DLGAP4: variants seen among roughly 807,000 people sequenced by gnomAD.
The protein encoded by DLGAP4 is disks large-associated protein 4.
Under a neutral mutation model 86.9 loss-of-function variants are expected in DLGAP4, and 18 were observed. That is an observed-to-expected ratio of 0.21 (90% CI 0.14 to 0.31). DLGAP4 has a LOEUF of 0.31. Among genes scored for constraint, DLGAP4 ranks in the 10% least tolerant of loss-of-function variants. DLGAP4 has a pLI of 1.00. For synonymous variants in DLGAP4, 548 were observed against 574.3 expected (o/e 0.95, Z 0.65); for missense variants, 1,085 against 1,362.6 (o/e 0.80, Z 3.21).
At chr20:36,472,121 G>C (rs1395195913) in intron 7 of DLGAP4, among the ~76,000 whole-genome samples, 1 of 152,136 alleles carries the variant, frequency 6.6e-6, no homozygotes, top group Non-Finnish European at 1.5e-5. Context: ...CATCTTTGCA[G>C]CTCCTTTTTT....
At chr20:36,452,337 C>T (rs1393530319) in intron 7 of DLGAP4, among the ~76,000 whole-genome samples, 1 of 152,000 alleles carries the variant, frequency 6.6e-6, no homozygotes, top group Non-Finnish European at 1.5e-5. Context: ...CAGTACCATG[C>T]CTGGCTAATT....
chr20:36,478,240 C>T (rs1235722498), intron 7 of DLGAP4, among the ~76,000 whole-genome samples: 1 of 152,138 alleles, frequency 6.6e-6, no homozygotes, highest in Non-Finnish European at 1.5e-5. Flanking sequence ...TCCCATTGAC[C>T]CCTGGATACA....
At chr20:36,318,636 A>G (rs944859017) in intron 1 of DLGAP4, among the ~76,000 whole-genome samples, 1 of 152,040 alleles carries the variant, frequency 6.6e-6, no homozygotes, top group East Asian at 1.9e-4. Flanking sequence ...AACCTCTCAA[A>G]GTGCTGGGAT....
At chr20:36,327,665 C>T (rs1555891121) in intron 1 of DLGAP4, among the ~76,000 whole-genome samples, 1 of 144,822 alleles carries the variant, frequency 6.9e-6, no homozygotes, top group African/African-American at 2.5e-5. Context: ...GATCTCGGCT[C>T]ACTGCAAGCT....
At position 36,424,933 on chromosome 20, in the gene DLGAP4, G is replaced by A. The variant is rs546319457; in HGVS notation, c.-72-6713G>A. On this transcript the variant is annotated intron_variant, in intron 2 of 12. Transcript: ENST00000339266. ...GTATTTTTAGTAGAGATGGGGTTTC[G>A]CCATATTGGGCAGGGTGGTCTCAAA... 7.9e-5 allele frequency among the ~76,000 whole-genome samples: 12 copies of A among 152,074 alleles called. No homozygotes were observed. The East Asian group carries it at 9.7e-4, about 12-fold the overall frequency.
chr20:36,528,161 C>A lies in DLGAP4; in HGVS notation c.*1130C>A, dbSNP rs1208378865. The stretch of plus-strand genomic sequence containing the variant: ...CTTTTTTTTTTTGGTCTCCACCCCC[C>A]TCCCCCCGCCCCGCACTCCTAAGGG... On this transcript the variant is annotated 3_prime_UTR_variant, in exon 13 of 13. Coordinates refer to ENST00000339266, the MANE Select transcript of DLGAP4 (RefSeq NM_001365621.2). 6.6e-6 allele frequency: 1 copy of A among 151,414 alleles called. No individual in the cohort carries two copies. The highest frequency in any genetic ancestry group is 1.5e-5 in the Non-Finnish European group (1 of 67,788). The allele number at this position is 151,414 out of a possible 1,614,324, so 9.4% of individuals were successfully genotyped here.
At chr20:36,516,432 G>A (rs1016032740) in intron 10 of DLGAP4, among the ~76,000 whole-genome samples, 2 of 152,052 alleles carry the variant, frequency 1.3e-5, no homozygotes, top group Admixed American at 6.6e-5. Context: ...TTTGGGAGCC[G>A]AGGTGGGTGG....
At position 36,371,461 on chromosome 20, in the gene DLGAP4, G is replaced by A. The variant is rs892172737; in HGVS notation, c.-73+4186G>A. Among the ~76,000 whole-genome samples the A allele has an allele frequency of 9.2e-5, 14 of 152,342 alleles. No homozygotes were observed. The East Asian group carries it at 1.9e-3, about 21-fold the overall frequency. The stretch of plus-strand genomic sequence containing the variant: ...CGTGGTGACATCATGAAGATGAACC[G>A]GTAGGAGACCTGTGTGACATGGCAC... On this transcript the variant is annotated intron_variant, in intron 2 of 12. Coordinates refer to ENST00000339266, the MANE Select transcript of DLGAP4 (RefSeq NM_001365621.2).
intron 11 of DLGAP4, chr20:36,525,416 C>T (rs1297696636): frequency 4.4e-6 from 1 of 226,302 alleles, no homozygotes; most frequent in Non-Finnish European, 8.9e-6. Context: ...TGTTTGTCTC[C>T]AAGACCTACA....
intron 1 of DLGAP4, among the ~76,000 whole-genome samples, chr20:36,334,411 T>C (rs6063747): frequency 0.7 from 106,790 of 151,888 alleles, 37,710 homozygotes; most frequent in Middle Eastern, 0.78. Flanking sequence ...GAGTGTGACC[T>C]GAGGGCCGGG....
rs181555027 is a variant in DLGAP4, at chr20:36,505,292, A to G, written c.2512+4681A>G. 7.6e-3 allele frequency among the ~76,000 whole-genome samples: 1,159 copies of G among 152,112 alleles called. 4 individuals are homozygous for G. Among genetic ancestry groups the G allele is most frequent in the Middle Eastern group, 0.02 (6 of 294 alleles). On this transcript the variant is annotated intron_variant, in intron 10 of 12. Coordinates refer to ENST00000339266, the MANE Select transcript of DLGAP4 (RefSeq NM_001365621.2). ...ATGAGCCACCACGCCTGGCTGACGC[A>G]CAAAGGTTCTTAGTTTTGATGAAGT... is the stretch of plus-strand genomic sequence containing the variant.
At chr20:36,464,317 TG>T in intron 7 of DLGAP4, among the ~76,000 whole-genome samples, 1 of 152,312 alleles carries the variant, frequency 6.6e-6, no homozygotes, top group Non-Finnish European at 1.5e-5. Flanking sequence ...CCTAGCACTT[TG>T]GGAGGCCAAG....
chr20:36,450,423 G>A (rs894922775), intron 7 of DLGAP4, among the ~76,000 whole-genome samples: 7 of 152,224 alleles, frequency 4.6e-5, no homozygotes, highest in Middle Eastern at 3.4e-3. Context: ...GCTTAAGCCC[G>A]GGAGGTGGAG....
intron 2 of DLGAP4, among the ~76,000 whole-genome samples, chr20:36,396,120 C>T (rs1446571914): frequency 6.6e-6 from 1 of 152,008 alleles, no homozygotes; most frequent in Non-Finnish European, 1.5e-5. Context: ...AGGAGGGAAG[C>T]ACCACCTCCG....
chr20:36,429,018 T>C (rs1449163210), intron 2 of DLGAP4, among the ~76,000 whole-genome samples: 1 of 152,248 alleles, frequency 6.6e-6, no homozygotes, highest in Non-Finnish European at 1.5e-5. Flanking sequence ...CACATCACTC[T>C]GATCTCTGCT....
intron 4 of DLGAP4, 83 bp downstream of exon 4, chr20:36,436,433 G>A: frequency 6.9e-6 from 10 of 1,448,488 alleles, no homozygotes; most frequent in Non-Finnish European, 9.0e-6. Flanking sequence ...GAGGAGCCCT[G>A]CATTAAAATA....
intron 2 of DLGAP4, among the ~76,000 whole-genome samples, chr20:36,380,918 C>G (rs867360378): frequency 5.8e-4 from 89 of 152,298 alleles, no homozygotes; most frequent in African/African-American, 2.1e-3. Context: ...TTGCCTACTT[C>G]TCTTTTGCCA....
chr20:36,436,094 G>C lies in DLGAP4; in HGVS notation c.1000-15G>C. 1 of 1,560,868 alleles carries C rather than the reference G, an allele frequency of 6.4e-7. No homozygotes were observed. Among genetic ancestry groups the C allele is most frequent in the Admixed American group, 1.8e-5 (1 of 55,662 alleles). On this transcript the variant is annotated splice_polypyrimidine_tract_variant and intron_variant, in intron 3 of 12. Transcript: ENST00000339266. ...TTCTGCGGTGGCCCCACTGAGTCCT[G>C]TGCCCCATCCCCAGGTGCCCGGCGG...
At chr20:36,405,661 A>T (rs1471806529) in intron 2 of DLGAP4, among the ~76,000 whole-genome samples, 1 of 152,078 alleles carries the variant, frequency 6.6e-6, no homozygotes, top group Non-Finnish European at 1.5e-5. Flanking sequence ...GGATCCAACC[A>T]TCCAGAGAAC....
Sources: gnomAD v4.1 joint callset for allele counts (sites outside exome capture counted in the v4.1 genomes callset) on GRCh38, gnomAD v4.1.1 for gene constraint, MANE v1.5 for transcripts, NCBI Gene and HGNC (gene_info 2026-07-23, HGNC 2026-07-21) for gene names.